CAST: variants seen among roughly 807,000 people sequenced by gnomAD.
CAST encodes MIR583 host.
A neutral mutation model predicts 119.6 loss-of-function variants in CAST; 76 were observed. That is an observed-to-expected ratio of 0.64 (90% CI 0.53 to 0.77). CAST has a LOEUF of 0.77. Ranked by LOEUF, CAST falls within the 30% of genes least tolerant of loss-of-function variation. CAST has a pLI of 0.00. For synonymous variants in CAST, 319 were observed against 331.6 expected, an observed-to-expected ratio of 0.96 and a Z score of 0.41; for missense variants, 953 against 946.5, an observed-to-expected ratio of 1.01 and a Z score of -0.09.
chr5:96,656,857 C>T (rs906064373), intron 1 of CAST, among the ~76,000 whole-genome samples: 4 of 151,990 alleles, frequency 2.6e-5, no homozygotes, highest in African/African-American at 9.7e-5. Context: ...CTAGTGAATT[C>T]TTATATATTG....
chr5:96,551,246 G>C (rs999960313), intron 1 of CAST, among the ~76,000 whole-genome samples: 3 of 152,226 alleles, frequency 2.0e-5, no homozygotes, highest in Admixed American at 1.3e-4. Context: ...AGCCAGAAGA[G>C]AGTGGGGGCC....
chr5:96,363,270 G>A, the CAST span, among the ~76,000 whole-genome samples: 147,263 of 147,296 alleles, frequency 1, 73,616 homozygotes, highest in Admixed American at 1. Flanking sequence ...AGGTAGTATG[G>A]TGCCTCCAGC....
At chr5:96,068,998 T>A in the CAST span, among the ~76,000 whole-genome samples, 2 of 151,458 alleles carry the variant, frequency 1.3e-5, no homozygotes, top group African/African-American at 4.8e-5. Flanking sequence ...GATGTATATA[T>A]GTATATATGT....
At chr5:96,549,736 T>C (rs1382474982) in intron 1 of CAST, among the ~76,000 whole-genome samples, 2 of 152,250 alleles carry the variant, frequency 1.3e-5, no homozygotes, top group African/African-American at 2.4e-5. Context: ...GACCAGGATA[T>C]CCCCTTCTGT....
At chr5:96,321,070 A>C in the CAST span, among the ~76,000 whole-genome samples, 1 of 152,186 alleles carries the variant, frequency 6.6e-6, no homozygotes, top group Non-Finnish European at 1.5e-5. Context: ...TAAAGGTGAG[A>C]GTGCTTATCT....
At chr5:96,470,997 A>G in the CAST span, among the ~76,000 whole-genome samples, 2 of 152,108 alleles carry the variant, frequency 1.3e-5, no homozygotes, top group Non-Finnish European at 2.9e-5. Flanking sequence ...AGAGTTGAGA[A>G]GGGCTTTGAG....
At chr5:96,574,293 A>G (rs1580830855) in intron 1 of CAST, among the ~76,000 whole-genome samples, 1 of 117,160 alleles carries the variant, frequency 8.5e-6, no homozygotes, top group Non-Finnish European at 1.7e-5. Flanking sequence ...TCCTGACCTC[A>G]TGATCCACCC....
chr5:96,368,653 G>T, the CAST span, among the ~76,000 whole-genome samples: 3 of 152,060 alleles, frequency 2.0e-5, no homozygotes, highest in African/African-American at 4.8e-5. Context: ...TGTGAGCTTG[G>T]TATTTCTGTC....
the CAST span, among the ~76,000 whole-genome samples, chr5:96,312,008 T>A: frequency 1.3e-5 from 2 of 152,114 alleles, no homozygotes; most frequent in African/African-American, 4.8e-5. Context: ...TCTCTCTTGC[T>A]GTCTTTCTTT....
At chr5:96,189,885 A>G in the CAST span, among the ~76,000 whole-genome samples, 1 of 152,162 alleles carries the variant, frequency 6.6e-6, no homozygotes, top group Non-Finnish European at 1.5e-5. Context: ...GTTTTCTCCT[A>G]TTCTTGCATG....
the CAST span, among the ~76,000 whole-genome samples, chr5:96,142,001 T>G: frequency 2.0e-5 from 3 of 152,238 alleles, no homozygotes; most frequent in Admixed American, 2.0e-4. Flanking sequence ...TACAAGTTCA[T>G]TCCATAAATG....
the CAST span, among the ~76,000 whole-genome samples, chr5:96,173,298 C>T: frequency 1.3e-5 from 2 of 152,150 alleles, no homozygotes; most frequent in Admixed American, 6.5e-5. Flanking sequence ...AACTCTATGC[C>T]ATCATATTAT....
intron 4 of CAST, 46 bp downstream of exon 4, chr5:96,722,744 G>T (rs762165119): frequency 7.4e-7 from 1 of 1,358,412 alleles, no homozygotes; most frequent in South Asian, 1.2e-5. Flanking sequence ...AGTTGATTGT[G>T]CTGCAAAGCA....
chr5:96,703,338 G>C lies in CAST; in HGVS notation c.210+7431G>C, dbSNP rs111911155. On this transcript the variant is annotated intron_variant, in intron 3 of 31. Coordinates refer to ENST00000675179, the MANE Select transcript of CAST (RefSeq NM_001750.7). ...GAGATAGATCTCCTCCTCCCCAGCC[G>C]TGCCGCCACCCTGTGATGACCTCCG... Among the ~76,000 whole-genome samples the C allele has an allele frequency of 3.9e-3, 593 of 152,202 alleles. 10 individuals are homozygous for C. Among genetic ancestry groups the C allele is most frequent in the South Asian group, 0.033 (160 of 4,812 alleles).
At chr5:96,338,420 G>A in the CAST span, among the ~76,000 whole-genome samples, 1 of 151,908 alleles carries the variant, frequency 6.6e-6, no homozygotes, top group East Asian at 1.9e-4. Flanking sequence ...CTTGTTTATG[G>A]TATTATTAGA....
chr5:96,586,977 A>C (rs918650329), intron 1 of CAST, among the ~76,000 whole-genome samples: 4 of 152,234 alleles, frequency 2.6e-5, no homozygotes, highest in African/African-American at 7.2e-5. Context: ...TAACATACTC[A>C]AGATCATCAA....
At chr5:96,534,789 G>GAA (rs1298724367) in intron 1 of CAST, among the ~76,000 whole-genome samples, 2 of 110,324 alleles carry the variant, frequency 1.8e-5, no homozygotes, top group East Asian at 4.6e-4. Flanking sequence ...AAGAAAGAAA[G>GAA]AAAGAAAGAA....
rs1294767773 is a variant in CAST at position 96,770,225 on chromosome 5, A to G, written c.2269-306A>G. On this transcript the variant is annotated intron_variant, in intron 29 of 31. Transcript: ENST00000675179. ...CCCTTTTCTCCACACCCTTGCCGAC[A>G]TTTATTATCTATTGACAAGCTCTGT... 2.4e-5 allele frequency: 8 copies of G among 327,030 alleles called. No individual in the cohort carries two copies. The Admixed American group carries it at 2.8e-4, about 11-fold the overall frequency. The allele number at this position is 327,030 out of a possible 1,614,324, so 20.3% of individuals were successfully genotyped here. A position where few individuals can be genotyped will look rare whatever the true frequency, so the allele number is the denominator to read the frequency against.
At chr5:96,188,975 G>A in the CAST span, among the ~76,000 whole-genome samples, 1 of 151,802 alleles carries the variant, frequency 6.6e-6, no homozygotes, top group Non-Finnish European at 1.5e-5. Flanking sequence ...TCTTTTTCTG[G>A]TTGAGAGAAG....
Sources: allele counts gnomAD v4.1 joint callset (sites outside exome capture counted in the v4.1 genomes callset), GRCh38; gene constraint gnomAD v4.1.1; transcripts MANE v1.5; gene names NCBI Gene and HGNC (gene_info 2026-07-23, HGNC 2026-07-21).